WWOX: variants seen among roughly 807,000 people sequenced by gnomAD.
WWOX encodes the protein WW domain containing oxidoreductase.
A neutral mutation model predicts 46.2 loss-of-function variants in WWOX; 69 were observed. The ratio of observed to expected loss-of-function variants is 1.49; its 90% CI spans 1.23 to 1.82. WWOX has a LOEUF of 1.82. Ranked by LOEUF, WWOX falls within the 40% of genes most tolerant of loss-of-function variation. The probability of loss-of-function intolerance (pLI) is 0.00; values close to 1 mark genes in which losing one functional copy is unlikely to be tolerated. For missense variants in WWOX, 919 were observed against 542.6 expected (o/e 1.69, Z -6.89); for synonymous variants, 359 against 202.6 (o/e 1.77, Z -6.56).
intron 8 of WWOX, among the ~76,000 whole-genome samples, chr16:78,879,658 A>C (rs1454342662): frequency 6.6e-6 from 1 of 152,072 alleles, no homozygotes; most frequent in East Asian, 1.9e-4. Context: ...CAGGCGGATC[A>C]CCTAAGGTCG....
chr16:78,702,574 G>T (rs1194834524), intron 8 of WWOX, among the ~76,000 whole-genome samples: 1 of 151,530 alleles, frequency 6.6e-6, no homozygotes, highest in Non-Finnish European at 1.5e-5. Flanking sequence ...AGAATCACTT[G>T]AATCTGGGAG....
intron 8 of WWOX, among the ~76,000 whole-genome samples, chr16:78,690,890 G>A (rs149901128): frequency 0.012 from 1,886 of 152,192 alleles, 20 homozygotes; most frequent in South Asian, 0.036. Flanking sequence ...CAATACCTGG[G>A]GGTTTTCAAA....
intron 5 of WWOX, among the ~76,000 whole-genome samples, chr16:78,177,066 T>C (rs1269579096): frequency 6.6e-6 from 1 of 152,226 alleles, no homozygotes; most frequent in Non-Finnish European, 1.5e-5. Context: ...CCCAGCCATC[T>C]GTGGTTTGCA....
At chr16:78,395,809 T>C (rs1041729160) in intron 6 of WWOX, among the ~76,000 whole-genome samples, 4 of 152,248 alleles carry the variant, frequency 2.6e-5, no homozygotes, top group African/African-American at 9.6e-5. Context: ...TCTTGATTTA[T>C]GCTGATGGAA....
At position 78,202,565 on chromosome 16, in the gene WWOX, G is replaced by C. The variant is rs1378957054; in HGVS notation, c.516+38276G>C. On this transcript the variant is annotated intron_variant, in intron 5 of 8. Transcript: ENST00000566780. ...TGTTTGTCAGATCAGTTTTCTGTTT[G>C]GGGAACATTTTTGTAAGTGCATGTA... 2.0e-5 allele frequency among the ~76,000 whole-genome samples: 3 copies of C among 152,042 alleles called. No homozygotes were observed. The East Asian group carries it at 5.8e-4, about 29-fold the overall frequency.
At chr16:78,869,101 C>T (rs1038244458) in intron 8 of WWOX, among the ~76,000 whole-genome samples, 1 of 152,108 alleles carries the variant, frequency 6.6e-6, no homozygotes, top group Non-Finnish European at 1.5e-5. Context: ...GTTTTGATTA[C>T]ATTAGTTTAG....
chr16:78,703,208 C>G (rs536510378), intron 8 of WWOX, among the ~76,000 whole-genome samples: 4 of 137,456 alleles, frequency 2.9e-5, no homozygotes, highest in East Asian at 3.9e-4. Flanking sequence ...TGACAAGAGT[C>G]TGTCTCTTTT....
intron 8 of WWOX, among the ~76,000 whole-genome samples, chr16:78,847,489 C>T (rs1167134139): frequency 6.6e-6 from 1 of 151,878 alleles, no homozygotes; most frequent in African/African-American, 2.4e-5. Flanking sequence ...TTTTTTCAAA[C>T]TTGTTTCTTT....
intron 8 of WWOX, among the ~76,000 whole-genome samples, chr16:79,045,419 T>G (rs1468087426): frequency 6.6e-6 from 1 of 152,178 alleles, no homozygotes; most frequent in Admixed American, 6.6e-5. Flanking sequence ...ATGTACATCA[T>G]GATCTGCGTG....
In WWOX at chr16:78,594,115, T is replaced by C. The variant is rs2045418622; in HGVS notation, c.1056+161363T>C. ...ATGATAAAGTCACTTCTCAACTCCT[T>C]CTCAACTCCTCCTCCTGGCTTATTA... is the stretch of plus-strand genomic sequence containing the variant. On this transcript the variant is annotated intron_variant, in intron 8 of 8. Transcript: ENST00000566780. 5.9e-5 allele frequency among the ~76,000 whole-genome samples: 9 copies of C among 152,194 alleles called. No homozygotes were observed. In the South Asian group the frequency reaches 1.9e-3, roughly 32 times the overall value.
intron 8 of WWOX, among the ~76,000 whole-genome samples, chr16:78,692,056 G>T (rs2548885): frequency 6.6e-6 from 1 of 152,052 alleles, no homozygotes; most frequent in East Asian, 1.9e-4. Context: ...ATGTTTCTGA[G>T]GCCTCCCCAG....
chr16:79,206,605 ACAACTCACTGAAAAAGC>A (rs1242764286), intron 8 of WWOX: 3 of 152,210 alleles, frequency 2.0e-5, no homozygotes, highest in Admixed American at 1.3e-4. Flanking sequence ...CTCGTTGGCT[ACAACTCACTGAAAAAGC>A]CGGGCAGTTT....
At chr16:78,135,588 A>C (rs2085291829) in intron 4 of WWOX, among the ~76,000 whole-genome samples, 1 of 152,070 alleles carries the variant, frequency 6.6e-6, no homozygotes, top group Non-Finnish European at 1.5e-5. Flanking sequence ...TCTTTTTTCT[A>C]TCCATGACAT....
At chr16:79,182,713 A>G (rs1322797150) in intron 8 of WWOX, among the ~76,000 whole-genome samples, 1 of 152,200 alleles carries the variant, frequency 6.6e-6, no homozygotes, top group Non-Finnish European at 1.5e-5. Flanking sequence ...ATTTTACTAT[A>G]AATATGGGAT....
At chr16:78,807,384 G>A (rs755355565) in intron 8 of WWOX, among the ~76,000 whole-genome samples, 1 of 152,178 alleles carries the variant, frequency 6.6e-6, no homozygotes, top group East Asian at 1.9e-4. Flanking sequence ...AACTATTCTT[G>A]TTCTTCTAAG....
chr16:78,851,896 C>G (rs1190972739), intron 8 of WWOX, among the ~76,000 whole-genome samples: 1 of 152,116 alleles, frequency 6.6e-6, no homozygotes, highest in Non-Finnish European at 1.5e-5. Context: ...GAAATAATTT[C>G]ATTTAAACCC....
chr16:78,138,009 C>G (rs1334718975), intron 4 of WWOX, among the ~76,000 whole-genome samples: 1 of 150,646 alleles, frequency 6.6e-6, no homozygotes, highest in South Asian at 2.1e-4. Flanking sequence ...GAACCTCGCT[C>G]AAGGAAAATG....
At chr16:78,859,505 T>G (rs1158327661) in intron 8 of WWOX, among the ~76,000 whole-genome samples, 1 of 152,190 alleles carries the variant, frequency 6.6e-6, no homozygotes, top group African/African-American at 2.4e-5. Flanking sequence ...ATAGCTCGAT[T>G]TTTATCATTA....
intron 5 of WWOX, among the ~76,000 whole-genome samples, chr16:78,356,179 T>C (rs1459066792): frequency 6.7e-6 from 1 of 149,550 alleles, no homozygotes; most frequent in Non-Finnish European, 1.5e-5. Flanking sequence ...AGAGCGAGAC[T>C]CTGTCTCAAA....
Sources: gnomAD v4.1 joint callset for allele counts (sites outside exome capture counted in the v4.1 genomes callset) on GRCh38, gnomAD v4.1.1 for gene constraint, MANE v1.5 for transcripts, NCBI Gene and HGNC (gene_info 2026-07-23, HGNC 2026-07-21) for gene names.